The following BCKDHB variants were observed in gnomAD, a reference collection of about 807,000 sequenced individuals.
BCKDHB encodes branched chain keto acid dehydrogenase E1 subunit beta.
In BCKDHB, 41 loss-of-function variants were observed where a neutral mutation model predicts 48.5. The ratio of observed to expected loss-of-function variants is 0.85; its 90% confidence interval spans 0.66 to 1.10. BCKDHB has a LOEUF of 1.10. BCKDHB is among the 50% of genes least tolerant of loss of function. The pLI, the probability that BCKDHB is intolerant of heterozygous loss-of-function variation, is 0.00. For synonymous variants in BCKDHB, 201 were observed against 174.8 expected (o/e 1.15, Z -1.18); for missense variants, 496 against 494.2 (o/e 1.00, Z -0.03).
chr6:80,222,611 G>A (rs1255516957), intron 8 of BCKDHB, among the ~76,000 whole-genome samples: 1 of 151,828 alleles, frequency 6.6e-6, no homozygotes, highest in Non-Finnish European at 1.5e-5. Context: ...TGTCTTTTAA[G>A]TCTGCCTTGG....
intron 8 of BCKDHB, among the ~76,000 whole-genome samples, chr6:80,236,397 C>A (rs1378534364): frequency 2.0e-5 from 3 of 152,134 alleles, no homozygotes; most frequent in African/African-American, 7.2e-5. Flanking sequence ...CACTGTTTGG[C>A]TCTGTTGTTC....
intron 6 of BCKDHB, among the ~76,000 whole-genome samples, chr6:80,198,745 C>T (rs1342468609): frequency 1.3e-5 from 2 of 152,072 alleles, no homozygotes; most frequent in African/African-American, 2.4e-5. Context: ...ATTATATATG[C>T]GTACACTAAC....
intron 9 of BCKDHB, among the ~76,000 whole-genome samples, chr6:80,273,806 A>T (rs965976840): frequency 3.3e-5 from 5 of 152,056 alleles, no homozygotes; most frequent in Non-Finnish European, 7.4e-5. Context: ...GATGCCACAT[A>T]TCAGGAAAAA....
At chr6:80,382,832 T>G in the BCKDHB span, among the ~76,000 whole-genome samples, 1 of 152,210 alleles carries the variant, frequency 6.6e-6, no homozygotes, top group East Asian at 1.9e-4. Context: ...GAGTTTATAT[T>G]GCCTGTTTTT....
the BCKDHB span, among the ~76,000 whole-genome samples, chr6:80,415,024 G>A: frequency 6.8e-6 from 1 of 146,770 alleles, no homozygotes; most frequent in African/African-American, 2.5e-5. Flanking sequence ...TGTGTGTGTG[G>A]CAATTGTGAA....
downstream of BCKDHB, among the ~76,000 whole-genome samples, chr6:80,348,098 C>G (rs1770288925): frequency 1.3e-5 from 2 of 151,954 alleles, no homozygotes; most frequent in Non-Finnish European, 2.9e-5. Flanking sequence ...ACTAAAAGAC[C>G]TGTGTACATT....
Position 80,203,216 on chromosome 6 carries a change from T to C in BCKDHB, c.951+4T>C, listed in dbSNP as rs778135997. On this transcript the variant is annotated splice_donor_region_variant and intron_variant, in intron 8 of 9. Transcript: ENST00000320393. ...GGATGTGGACACAATTTGTAAGGTATGAATATAATGGTGATAGAATGTCAT... is the reference window on the plus strand; with the variant it reads ...GGATGTGGACACAATTTGTAAGGTACGAATATAATGGTGATAGAATGTCAT... The C allele has an allele frequency of 1.9e-5, 29 of 1,558,058 alleles. No individual in the cohort carries two copies. The South Asian group carries it at 3.2e-4, about 17-fold the overall frequency.
chr6:80,324,095 G>C (rs948562464), intron 9 of BCKDHB, among the ~76,000 whole-genome samples: 1 of 152,040 alleles, frequency 6.6e-6, no homozygotes, highest in African/African-American at 2.4e-5. Flanking sequence ...TATATATGGT[G>C]ACTTTCCCCC....
intron 6 of BCKDHB, among the ~76,000 whole-genome samples, chr6:80,186,153 T>TCC (rs1773629917): frequency 6.6e-6 from 1 of 151,260 alleles, no homozygotes; most frequent in African/African-American, 2.4e-5. Context: ...GGATGGGGCT[T>TCC]TAGAGTTCTC....
intron 9 of BCKDHB, among the ~76,000 whole-genome samples, chr6:80,288,071 G>C (rs986144326): frequency 6.6e-6 from 1 of 151,582 alleles, no homozygotes; most frequent in African/African-American, 2.4e-5. Context: ...TAATATCAAT[G>C]ATTCCTAAAT....
At chr6:80,391,079 G>C in the BCKDHB span, among the ~76,000 whole-genome samples, 2 of 152,228 alleles carry the variant, frequency 1.3e-5, no homozygotes, top group Admixed American at 6.5e-5. Context: ...TCTTGCTCAA[G>C]TTTGCCAACA....
chr6:80,169,999 C>T lies in BCKDHB; in HGVS notation c.633+969C>T, dbSNP rs1185163323. ...AGAACAGATCTTTTCTGTCTGTCCC[C>T]TGCCTTCTCTTTTCCTCCTTCATTT... is the stretch of plus-strand genomic sequence containing the variant. On this transcript the variant is annotated intron_variant, in intron 5 of 9. Coordinates refer to ENST00000320393, the MANE Select transcript of BCKDHB (RefSeq NM_183050.4). 6 of 1,185,416 alleles carry T rather than the reference C, an allele frequency of 5.1e-6. No individual in the cohort carries two copies. The Admixed American group carries it at 2.5e-4, about 50-fold the overall frequency. 73.4% of individuals were successfully genotyped at this position (1,185,416 alleles called of 1,614,324 possible). A position where few individuals can be genotyped will look rare whatever the true frequency, so the allele number is the denominator to read the frequency against.
intron 9 of BCKDHB, among the ~76,000 whole-genome samples, chr6:80,309,063 GTTTT>G (rs749233511): frequency 2.7e-5 from 4 of 149,108 alleles, no homozygotes; most frequent in Admixed American, 6.7e-5. Flanking sequence ...TAGTTTTTTT[GTTTT>G]TTGTTTTTTT....
At chr6:80,422,030 G>A in the BCKDHB span, among the ~76,000 whole-genome samples, 1 of 152,190 alleles carries the variant, frequency 6.6e-6, no homozygotes, top group Non-Finnish European at 1.5e-5. Context: ...TCCAGAGCAT[G>A]CCAGAGTTCT....
the BCKDHB span, among the ~76,000 whole-genome samples, chr6:80,418,278 C>A: frequency 1.3e-5 from 2 of 151,534 alleles, no homozygotes; most frequent in African/African-American, 4.8e-5. Context: ...ATTCTAAATT[C>A]TATTTCTGTC....
chr6:80,150,793 G>C (rs1049365344), intron 3 of BCKDHB, among the ~76,000 whole-genome samples: 3 of 152,012 alleles, frequency 2.0e-5, no homozygotes, highest in African/African-American at 7.3e-5. Context: ...CTGACCTCAG[G>C]TGACCAGCCT....
At chr6:80,284,967 T>C (rs1164728917) in intron 9 of BCKDHB, among the ~76,000 whole-genome samples, 1 of 152,194 alleles carries the variant, frequency 6.6e-6, no homozygotes, top group African/African-American at 2.4e-5. Context: ...GGCTTGTATT[T>C]TTAAGTGTTG....
At chr6:80,398,039 A>G in the BCKDHB span, among the ~76,000 whole-genome samples, 2 of 152,206 alleles carry the variant, frequency 1.3e-5, no homozygotes, top group Non-Finnish European at 2.9e-5. Flanking sequence ...ACTGAGAACA[A>G]AGAATCATCA....
At chr6:80,151,360 A>G (rs1771765819) in intron 3 of BCKDHB, among the ~76,000 whole-genome samples, 1 of 152,224 alleles carries the variant, frequency 6.6e-6, no homozygotes, top group Admixed American at 6.5e-5. Flanking sequence ...GTAAGTTATG[A>G]AAATTAGAAA....
Sources: allele counts gnomAD v4.1 joint callset (sites outside exome capture counted in the v4.1 genomes callset), GRCh38; gene constraint gnomAD v4.1.1; transcripts MANE v1.5; gene names NCBI Gene and HGNC (gene_info 2026-07-23, HGNC 2026-07-21).